The following DST variants were observed in gnomAD, a reference collection of about 807,000 sequenced individuals.
DST encodes dystonin, also known as bullous pemphigoid antigen.
In DST, 253 loss-of-function variants were observed where a neutral mutation model predicts 875.2. The ratio of observed to expected loss-of-function variants is 0.29; its 90% confidence interval spans 0.26 to 0.32. DST has a LOEUF of 0.32. Among genes scored for constraint, DST ranks in the 10% least tolerant of loss-of-function variants. DST has a pLI of 1.00. For missense variants in DST, 8,287 were observed against 9,111.6 expected, an observed-to-expected ratio of 0.91 and a Z score of 3.68; for synonymous variants, 3,124 against 3,197.1, an observed-to-expected ratio of 0.98 and a Z score of 0.77.
At chr6:56,828,464 G>T (rs1274128973) in intron 4 of DST, among the ~76,000 whole-genome samples, 1 of 152,164 alleles carries the variant, frequency 6.6e-6, no homozygotes, top group African/African-American at 2.4e-5. Context: ...TGCATGTAAA[G>T]AATAACACTG....
chr6:56,843,427 C>G, intron 4 of DST: 1 of 1,059,052 alleles, frequency 9.4e-7, no homozygotes, highest in Non-Finnish European at 1.1e-6. Flanking sequence ...CAAATCTCAG[C>G]GAGCCCAGGG....
At chr6:56,464,175 T>C in intron 100 of DST, 1 of 348,038 alleles carries the variant, frequency 2.9e-6, no homozygotes, top group Non-Finnish European at 5.5e-6. Flanking sequence ...CTTTTGCATG[T>C]ACTATTGAGG....
At chr6:56,919,049 C>T (rs1411550495) in intron 2 of DST, among the ~76,000 whole-genome samples, 1 of 151,796 alleles carries the variant, frequency 6.6e-6, no homozygotes, top group African/African-American at 2.4e-5. Context: ...ACATGCTTTG[C>T]TCATTTTTGT....
Position 56,552,175 on chromosome 6 carries a change from G to A in DST, c.16608+9C>T. On this transcript the variant is annotated intron_variant, in intron 61 of 103. Transcript: ENST00000680361. ...TAAAAACACTGGGTAAAAATGAAGA[G>A]TTCCCTACCTTGAACATGTTAAGCT... 1 of 1,583,836 alleles carries A rather than the reference G, an allele frequency of 6.3e-7. No homozygotes were observed. The highest frequency in any genetic ancestry group is 8.6e-7 in the Non-Finnish European group (1 of 1,166,688).
chr6:56,502,368 TTAAC>T (rs1172059792), intron 78 of DST, among the ~76,000 whole-genome samples: 1 of 152,188 alleles, frequency 6.6e-6, no homozygotes, highest in Non-Finnish European at 1.5e-5. Flanking sequence ...TAGAAGTCCC[TTAAC>T]TTTGTTCAAA....
At position 56,597,862 on chromosome 6, in the gene DST, C is replaced by T; in HGVS notation, c.12073G>A (p.Gly4025Ser). The change falls in exon 47 of 104, where the codon GGT (glycine) becomes AGT (serine). Residue 4025 changes from glycine to serine, a missense_variant. This residue lies in a region of DST where 1,513 missense variants were observed against 1,677.8 expected (regional missense o/e 0.90). Coordinates refer to ENST00000680361, the MANE Select transcript of DST (RefSeq NM_001374736.1). Reference protein sequence around the residue: ...IEQNGTHFQEGDGKSAIGEED... With the variant: ...IEQNGTHFQESDGKSAIGEED... ...TCTCCAATTGCTGACTTGCCATCAC[C>T]TTCTTGAAAATGGGTCCCGTTCTGT... is the stretch of plus-strand genomic sequence containing the variant. The T allele has an allele frequency of 6.2e-7, 1 of 1,613,918 alleles. No homozygotes were observed. Among genetic ancestry groups the T allele is most frequent in the Non-Finnish European group, 8.5e-7 (1 of 1,179,878 alleles).
chr6:56,532,532 T>TA, intron 63 of DST, 22 bp from the exon 64 acceptor site: 7 of 1,544,418 alleles, frequency 4.5e-6, no homozygotes, highest in Non-Finnish European at 6.1e-6. Context: ...ACATTAAATA[T>TA]AAAAAAGCAA....
chr6:56,763,998 T>C (rs2099625711), intron 4 of DST, among the ~76,000 whole-genome samples: 1 of 151,846 alleles, frequency 6.6e-6, no homozygotes. Context: ...GTAGTGATAG[T>C]CCAATAATTA....
chr6:56,634,980 A>G, intron 24 of DST, 27 bp from the exon 25 acceptor site: 3 of 1,581,272 alleles, frequency 1.9e-6, no homozygotes, highest in Non-Finnish European at 8.7e-7. Context: ...GTGAATTTTA[A>G]GAAGTAAAAG....
Position 56,492,966 on chromosome 6 carries a change from C to G in DST, c.20518G>C (p.Asp6840His), listed in dbSNP as rs773695280. 3.4e-5 allele frequency: 54 copies of G among 1,611,044 alleles called. 1 individual carries two copies. The South Asian group carries it at 6.0e-4, about 18-fold the overall frequency. ...NVASRPSLIL[D>H]TVLFQIDEHK... ...TCGTCAATTTGAAATAAGACTGTGTCCAAGATGAGACTTGGCCGAGAAGCT... is the reference window on the plus strand; with the variant it reads ...TCGTCAATTTGAAATAAGACTGTGTGCAAGATGAGACTTGGCCGAGAAGCT... The change falls in exon 84 of 104, where the codon GAC (aspartate) becomes CAC (histidine). Residue 6840 changes from aspartate (D) to histidine (H), a missense_variant. Coordinates refer to ENST00000680361, the MANE Select transcript of DST (RefSeq NM_001374736.1).
At chr6:56,785,352 G>A (rs952751247) in intron 4 of DST, among the ~76,000 whole-genome samples, 1 of 152,236 alleles carries the variant, frequency 6.6e-6, no homozygotes, top group Non-Finnish European at 1.5e-5. Context: ...CTTGAGCTGT[G>A]GTGGGCTCCA....
intron 93 of DST, 94 bp from the exon 94 acceptor site, chr6:56,472,316 A>G (rs1425172761): frequency 1.8e-6 from 2 of 1,107,958 alleles, no homozygotes; most frequent in East Asian, 2.5e-5. Flanking sequence ...AGACTGCATC[A>G]ACTTAATTAC....
chr6:56,555,903 T>C, intron 59 of DST, 63 bp from the exon 60 acceptor site: 1 of 1,386,314 alleles, frequency 7.2e-7, no homozygotes, highest in African/African-American at 1.4e-5. Context: ...AACACAGATT[T>C]GGTGTCCAAA....
intron 4 of DST, among the ~76,000 whole-genome samples, chr6:56,763,650 G>A (rs2099623613): frequency 7.0e-6 from 1 of 143,792 alleles, no homozygotes; most frequent in Admixed American, 7.0e-5. Context: ...CCAGCCGACA[G>A]AACGAGACTC....
Position 56,712,100 on chromosome 6 carries a change from A to AAAAAAAAAAAAAAAAAAC in DST, c.688-7732_688-7731insGTTTTTTTTTTTTTTTTT, listed in dbSNP as rs1563813807. Among the ~76,000 whole-genome samples, 421 of 148,004 alleles carry AAAAAAAAAAAAAAAAAAC rather than the reference A, an allele frequency of 2.8e-3. 4 individuals carry two copies. Among genetic ancestry groups the AAAAAAAAAAAAAAAAAAC allele is most frequent in the African/African-American group, 0.01 (401 of 38,716 alleles). On this transcript the variant is annotated intron_variant, in intron 5 of 103. Coordinates refer to ENST00000680361, the MANE Select transcript of DST (RefSeq NM_001374736.1). ...AGCGAGACTCCGTCTCAAAAAAAAAAAAAAAATAGGAGGAGGTATTTTAGA... is the reference window on the plus strand; with the variant it reads ...AGCGAGACTCCGTCTCAAAAAAAAAAAAAAAAAAAAAAAAAAACAAAAAATAGGAGGAGGTATTTTAGA...
At chr6:56,787,313 T>C (rs1200881667) in intron 4 of DST, among the ~76,000 whole-genome samples, 1 of 152,252 alleles carries the variant, frequency 6.6e-6, no homozygotes, top group Non-Finnish European at 1.5e-5. Flanking sequence ...GTCTATTTAT[T>C]ATCATGTCTT....
chr6:56,546,070 A>G (rs79148074), intron 61 of DST, among the ~76,000 whole-genome samples: 3,865 of 152,098 alleles, frequency 0.025, 76 homozygotes, highest in Non-Finnish European at 0.043. Flanking sequence ...AATACAGTTT[A>G]TATTTAGAAG....
Position 56,634,619 on chromosome 6 carries a change from G to A in DST, c.3340-3C>T, listed in dbSNP as rs1438281375. 4 of 1,613,972 alleles carry A rather than the reference G, an allele frequency of 2.5e-6. No homozygotes were observed. ...TCATCGTCTTTGTAAATGGTTATCT[G>A]GTTTAAAATAAAGAGCAGAATAACT... On this transcript the variant is annotated splice_region_variant and splice_polypyrimidine_tract_variant and intron_variant, in intron 25 of 103. Transcript: ENST00000680361.
intron 4 of DST, among the ~76,000 whole-genome samples, chr6:56,771,951 G>A (rs2099667235): frequency 6.6e-6 from 1 of 152,122 alleles, no homozygotes; most frequent in Non-Finnish European, 1.5e-5. Flanking sequence ...CTAAGACACA[G>A]GCAGAATGAC....
Sources: allele counts gnomAD v4.1 joint callset (sites outside exome capture counted in the v4.1 genomes callset), GRCh38; gene constraint gnomAD v4.1.1; regional missense constraint gnomAD v4.1.1; transcripts MANE v1.5; gene names NCBI Gene and HGNC (gene_info 2026-07-23, HGNC 2026-07-21).